The following SLC26A7 variants were observed in gnomAD, a reference collection of about 807,000 sequenced individuals.
The protein encoded by SLC26A7 is anion exchange transporter.
Under a neutral mutation model 82.5 loss-of-function variants are expected in SLC26A7, and 59 were observed. That is an observed-to-expected ratio of 0.72 (90% CI 0.58 to 0.89). SLC26A7 has a LOEUF of 0.89. SLC26A7 is among the 40% of genes least tolerant of loss of function. SLC26A7 has a pLI of 0.00. For missense variants in SLC26A7, 820 were observed against 793.0 expected (o/e 1.03, Z -0.41); for synonymous variants, 271 against 274.3 (o/e 0.99, Z 0.12).
intron 4 of SLC26A7, among the ~76,000 whole-genome samples, chr8:91,317,898 A>T (rs1812682334): frequency 6.7e-6 from 1 of 149,552 alleles, no homozygotes; most frequent in African/African-American, 2.4e-5. Flanking sequence ...AGATACTCAC[A>T]TTGTACCTAA....
At chr8:91,289,001 G>C in intron 2 of SLC26A7, 135 bp from the exon 3 acceptor site, 1 of 602,048 alleles carries the variant, frequency 1.7e-6, no homozygotes, top group South Asian at 2.2e-5. Flanking sequence ...GGGCAATAAT[G>C]CTAGACTCTT....
intron 2 of SLC26A7, among the ~76,000 whole-genome samples, chr8:91,242,924 G>C (rs1171451039): frequency 6.6e-6 from 1 of 152,066 alleles, no homozygotes; most frequent in Non-Finnish European, 1.5e-5. Context: ...TTGATACAAT[G>C]AACTAATTGA....
chr8:91,367,775 C>T (rs1281489762), intron 14 of SLC26A7, among the ~76,000 whole-genome samples: 1 of 152,142 alleles, frequency 6.6e-6, no homozygotes, highest in African/African-American at 2.4e-5. Context: ...TGAAGCTTTC[C>T]TTGACTCCTC....
At chr8:91,394,758 C>A (rs1214662676) in intron 18 of SLC26A7, 5 of 1,082,604 alleles carry the variant, frequency 4.6e-6, no homozygotes, top group Non-Finnish European at 5.8e-6. Flanking sequence ...AAAAGCTTTA[C>A]TATGTTGTTT....
At chr8:91,352,872 T>C (rs1273518060) in intron 10 of SLC26A7, 29 bp from the exon 11 acceptor site, 5 of 1,551,026 alleles carry the variant, frequency 3.2e-6, no homozygotes, top group Non-Finnish European at 4.4e-6. Flanking sequence ...TTTATGTTGC[T>C]TCTTCTTCAA....
intron 2 of SLC26A7, among the ~76,000 whole-genome samples, chr8:91,251,804 C>A (rs13265714): frequency 6.6e-6 from 1 of 151,806 alleles, no homozygotes; most frequent in African/African-American, 2.4e-5. Flanking sequence ...ACTTTATAGT[C>A]TACACTGCCA....
At chr8:91,345,350 C>A (rs897657470) in intron 9 of SLC26A7, among the ~76,000 whole-genome samples, 3 of 152,176 alleles carry the variant, frequency 2.0e-5, no homozygotes, top group African/African-American at 7.2e-5. Flanking sequence ...CAGCGTTGGG[C>A]TCCAGAGCCT....
chr8:91,373,287 T>A lies in SLC26A7; in HGVS notation c.1675+3454T>A, dbSNP rs140585481. 2.8e-3 allele frequency among the ~76,000 whole-genome samples: 423 copies of A among 152,156 alleles called. 3 individuals carry two copies. Among genetic ancestry groups the A allele is most frequent in the African/African-American group, 9.8e-3 (408 of 41,560 alleles). The stretch of plus-strand genomic sequence containing the variant: ...TGAATAGGAGTGGTGAGAGTGGGCA[T>A]CCTTGTGTTGTTCCAGTTCTTAAGG... On this transcript the variant is annotated intron_variant, in intron 15 of 18. Transcript: ENST00000276609.
rs1811474486 is a variant in SLC26A7 at position 91,278,751 on chromosome 8, G to GT, written c.194-10384dup. Among the ~76,000 whole-genome samples the GT allele has an allele frequency of 4.6e-5, 7 of 151,954 alleles. No individual in the cohort carries two copies. In the South Asian group the frequency reaches 1.5e-3, roughly 32 times the overall value. ...CGCATTACCTCACACTTTTTTTGTT[G>GT]TAAGAACACTTAAAATCTATTCTCT... On this transcript the variant is annotated intron_variant, in intron 2 of 18. Transcript: ENST00000276609.
chr8:91,239,454 G>A (rs933288639), intron 2 of SLC26A7, among the ~76,000 whole-genome samples: 6 of 145,166 alleles, frequency 4.1e-5, no homozygotes, highest in African/African-American at 1.5e-4. Context: ...GTGTATATAC[G>A]TATATATATG....
intron 2 of SLC26A7, among the ~76,000 whole-genome samples, chr8:91,251,074 C>T (rs1810644077): frequency 6.6e-6 from 1 of 151,718 alleles, no homozygotes. Context: ...ATAGTTTCAG[C>T]ATGCTATAAA....
chr8:91,268,473 C>G (rs1780360316), intron 2 of SLC26A7, among the ~76,000 whole-genome samples: 1 of 151,608 alleles, frequency 6.6e-6, no homozygotes, highest in Non-Finnish European at 1.5e-5. Flanking sequence ...GTTTTGGTTT[C>G]CATTTGCATA....
chr8:91,377,902 G>C (rs1374677937), intron 15 of SLC26A7, among the ~76,000 whole-genome samples: 2 of 152,000 alleles, frequency 1.3e-5, no homozygotes, highest in Non-Finnish European at 2.9e-5. Flanking sequence ...TTTAGGACAT[G>C]CCCATTCACC....
At chr8:91,222,247 T>A (rs926031018) in intron 2 of SLC26A7, among the ~76,000 whole-genome samples, 1 of 152,214 alleles carries the variant, frequency 6.6e-6, no homozygotes, top group Non-Finnish European at 1.5e-5. Context: ...CTGAAGTTGC[T>A]TATCAGTTCA....
At chr8:91,332,426 AAT>A (rs1813114655) in intron 5 of SLC26A7, among the ~76,000 whole-genome samples, 1 of 142,478 alleles carries the variant, frequency 7.0e-6, no homozygotes, top group African/African-American at 2.6e-5. Flanking sequence ...ATATTTAATC[AAT>A]ATATATTTAA....
intron 2 of SLC26A7, among the ~76,000 whole-genome samples, chr8:91,225,810 C>T (rs898961725): frequency 6.6e-6 from 1 of 151,926 alleles, no homozygotes; most frequent in African/African-American, 2.4e-5. Flanking sequence ...CTACTCCTGT[C>T]CTTGTCAGAT....
chr8:91,360,157 A>T (rs1010755397), intron 11 of SLC26A7, among the ~76,000 whole-genome samples: 3 of 152,188 alleles, frequency 2.0e-5, no homozygotes, highest in African/African-American at 7.2e-5. Context: ...ACATTTAGTA[A>T]TAGGGATCTG....
At chr8:91,314,179 TATC>T (rs1812566414) in intron 4 of SLC26A7, among the ~76,000 whole-genome samples, 2 of 152,316 alleles carry the variant, frequency 1.3e-5, no homozygotes, top group South Asian at 4.1e-4. Context: ...TTAGAAATGT[TATC>T]ATCCGTATTA....
rs113772893 is a variant in SLC26A7, at chr8:91,266,161, A to T, written c.193+16317A>T. 4.3e-3 allele frequency among the ~76,000 whole-genome samples: 656 copies of T among 151,950 alleles called. 4 individuals are homozygous for T. Among genetic ancestry groups the T allele is most frequent in the African/African-American group, 0.015 (608 of 41,504 alleles). ...TGGCTCTGTAGTATATTTTGAAGTT[A>T]GGTAGTGTAATGCCTCCAGCTTTGT... On this transcript the variant is annotated intron_variant, in intron 2 of 18. Transcript: ENST00000276609.
Sources: gnomAD v4.1 joint callset for allele counts (sites outside exome capture counted in the v4.1 genomes callset) on GRCh38, gnomAD v4.1.1 for gene constraint, MANE v1.5 for transcripts, NCBI Gene and HGNC (gene_info 2026-07-23, HGNC 2026-07-21) for gene names.